KATNAL2: variants seen among roughly 807,000 people sequenced by gnomAD.
The protein encoded by KATNAL2 is katanin catalytic subunit A1 like 2.
Under a neutral mutation model 76.3 loss-of-function variants are expected in KATNAL2, and 52 were observed. The ratio of observed to expected loss-of-function variants is 0.68; its 90% CI spans 0.55 to 0.86. The LOEUF is 0.86. KATNAL2 is among the 40% of genes least tolerant of loss of function. The probability of loss-of-function intolerance (pLI) is 0.00; values close to 1 mark genes in which losing one functional copy is unlikely to be tolerated. For missense variants in KATNAL2, 660 were observed against 668.9 expected (o/e 0.99, Z 0.15); for synonymous variants, 243 against 244.2 (o/e 1.00, Z 0.05).
chr18:47,049,245 G>A (rs924709150), intron 4 of KATNAL2, among the ~76,000 whole-genome samples: 15 of 152,216 alleles, frequency 9.9e-5, no homozygotes, highest in Admixed American at 7.2e-4. Context: ...GTATAGCTAA[G>A]TATCAGGTAG....
chr18:46,952,394 T>TA (rs2059586316), intron 3 of KATNAL2, among the ~76,000 whole-genome samples: 1 of 19,672 alleles, frequency 5.1e-5, no homozygotes, highest in Non-Finnish European at 1.4e-4. Context: ...TGCAGGTATG[T>TA]TTTTTTTTTT....
intron 3 of KATNAL2, chr18:47,032,970 C>T (rs1411688239): frequency 5.0e-6 from 8 of 1,613,624 alleles, no homozygotes; most frequent in Non-Finnish European, 6.8e-6. Flanking sequence ...GCAAAAATCC[C>T]CCCAGATTTT....
chr18:47,054,464 A>G (rs370716160), intron 6 of KATNAL2, 26 bp downstream of exon 6: 2 of 1,607,838 alleles, frequency 1.2e-6, no homozygotes, highest in Admixed American at 3.3e-5. Context: ...ATTCTTCTTA[A>G]TCGACTCGGC....
In KATNAL2 at chr18:47,034,560, GC is replaced by G. The variant is rs748366101; in HGVS notation, c.52-11896del. On this transcript the variant is annotated intron_variant, in intron 3 of 17. Transcript: ENST00000683218. The stretch of plus-strand genomic sequence containing the variant: ...GCCAATCTCCCTGGGCACACAAGGG[GC>G]GTTTTTCCTGGCGAGACGATTTGTG... The G allele has an allele frequency of 2.3e-5, 37 of 1,614,122 alleles. No homozygotes were observed. In the African/African-American group the frequency reaches 4.8e-4, roughly 21 times the overall value.
chr18:47,090,067 G>C (rs546026213), intron 15 of KATNAL2, among the ~76,000 whole-genome samples: 2 of 151,836 alleles, frequency 1.3e-5, no homozygotes, highest in Non-Finnish European at 2.9e-5. Context: ...GCAAGTGCTG[G>C]GATTACAGGC....
intron 1 of KATNAL2, among the ~76,000 whole-genome samples, chr18:46,929,902 G>C (rs1469574601): frequency 3.9e-5 from 6 of 152,090 alleles, no homozygotes; most frequent in Admixed American, 2.6e-4. Flanking sequence ...AGTCTCCCGA[G>C]TAGGTGGGAT....
chr18:47,062,782 A>G (rs971656743), intron 8 of KATNAL2, among the ~76,000 whole-genome samples, 190 bp from the exon 9 acceptor site: 2 of 152,230 alleles, frequency 1.3e-5, no homozygotes, highest in African/African-American at 4.8e-5. Context: ...TGTACTTACA[A>G]TTTTTTAAGG....
At chr18:47,059,072 C>T (rs1599702762) in intron 7 of KATNAL2, among the ~76,000 whole-genome samples, 3 of 152,194 alleles carry the variant, frequency 2.0e-5, no homozygotes, top group Middle Eastern at 3.4e-3. Context: ...TCACAATATC[C>T]GATTGGTCAA....
intron 3 of KATNAL2, among the ~76,000 whole-genome samples, chr18:46,961,154 AT>A (rs954226145): frequency 1.3e-5 from 2 of 152,198 alleles, no homozygotes; most frequent in East Asian, 1.9e-4. Context: ...AGATTTTTTA[AT>A]TTTTTTCTTT....
At chr18:47,065,495 C>T (rs747509648) in intron 10 of KATNAL2, among the ~76,000 whole-genome samples, 3 of 151,884 alleles carry the variant, frequency 2.0e-5, no homozygotes, top group Non-Finnish European at 4.4e-5. Context: ...TTCCATATGC[C>T]CAGAGACCAT....
At chr18:46,920,423 C>A (rs768482370) in intron 1 of KATNAL2, among the ~76,000 whole-genome samples, 2 of 152,158 alleles carry the variant, frequency 1.3e-5, no homozygotes, top group South Asian at 4.2e-4. Context: ...GAGAACCAAC[C>A]CTTCTTGTGA....
chr18:47,048,571 G>T (rs1284752343), intron 4 of KATNAL2, among the ~76,000 whole-genome samples: 1 of 152,204 alleles, frequency 6.6e-6, no homozygotes, highest in African/African-American at 2.4e-5. Flanking sequence ...GAGCCCCGGA[G>T]CAGGGCAGGG....
At chr18:47,092,983 A>G (rs114380685) in intron 15 of KATNAL2, among the ~76,000 whole-genome samples, 3,098 of 152,330 alleles carry the variant, frequency 0.02, 93 homozygotes, top group African/African-American at 0.07. Flanking sequence ...ATTATTTCTC[A>G]TCTGAATTCT....
At position 47,058,345 on chromosome 18, in the gene KATNAL2, C is replaced by T. The variant is rs979079639; in HGVS notation, c.443C>T (p.Pro148Leu). The change falls in exon 7 of 18, where the codon CCT becomes CTT. Residue 148 changes from proline to leucine, a missense_variant. Coordinates refer to ENST00000683218, the MANE Select transcript of KATNAL2 (RefSeq NM_001387690.1). The part of the protein sequence containing the change: ...GDTKSLNKEH[P>L]NQEVVDNTRL... Reference sequence around the variant, plus strand: ...ACCAAATCGCTCAATAAGGAGCATCCTAATCAGGTCAGGATGGCTTGGCTT... The same window carrying T: ...ACCAAATCGCTCAATAAGGAGCATCTTAATCAGGTCAGGATGGCTTGGCTT... The T allele has an allele frequency of 6.2e-7, 1 of 1,604,430 alleles. No homozygotes were observed. The highest frequency in any genetic ancestry group is 8.5e-7 in the Non-Finnish European group (1 of 1,171,214).
At chr18:46,919,007 A>ATATGTGTG (rs550181494) in intron 1 of KATNAL2, among the ~76,000 whole-genome samples, 1 of 143,310 alleles carries the variant, frequency 7.0e-6, no homozygotes, top group Non-Finnish European at 1.5e-5. Flanking sequence ...ATATATATAT[A>ATATGTGTG]TGTGTGTGTG....
chr18:47,054,767 G>A (rs1346471756), intron 6 of KATNAL2, among the ~76,000 whole-genome samples: 1 of 152,164 alleles, frequency 6.6e-6, no homozygotes, highest in Non-Finnish European at 1.5e-5. Flanking sequence ...AGCAAGTTTT[G>A]GACACATAGT....
intron 15 of KATNAL2, among the ~76,000 whole-genome samples, chr18:47,082,840 A>C (rs1263253469): frequency 9.9e-5 from 15 of 152,184 alleles, no homozygotes; most frequent in Admixed American, 9.8e-4. Flanking sequence ...TGTGCATGAA[A>C]GTATGGTAGA....
intron 3 of KATNAL2, among the ~76,000 whole-genome samples, chr18:47,032,033 C>G (rs2060488552): frequency 6.6e-6 from 1 of 152,162 alleles, no homozygotes; most frequent in Non-Finnish European, 1.5e-5. Context: ...TTAACCCGGT[C>G]CTTTCATGGT....
intron 16 of KATNAL2, among the ~76,000 whole-genome samples, chr18:47,099,642 C>A (rs189848709): frequency 9.8e-5 from 15 of 152,312 alleles, no homozygotes; most frequent in African/African-American, 3.6e-4. Flanking sequence ...ACTCAGAGAA[C>A]CTATGGTCAA....
Sources: allele counts gnomAD v4.1 joint callset (sites outside exome capture counted in the v4.1 genomes callset), GRCh38; gene constraint gnomAD v4.1.1; transcripts MANE v1.5; gene names NCBI Gene and HGNC (gene_info 2026-07-23, HGNC 2026-07-21).